The following NEK1 variants were observed in gnomAD, a reference collection of about 807,000 sequenced individuals.
The protein encoded by NEK1 is serine/threonine-protein kinase Nek1.
A neutral mutation model predicts 182.1 loss-of-function variants in NEK1; 137 were observed. The observed-to-expected ratio is 0.75, with a 90% CI of 0.65 to 0.87. NEK1 has a LOEUF of 0.87. NEK1 is among the 40% of genes least tolerant of loss of function. The pLI is 0.00. For missense variants in NEK1, 1,391 were observed against 1,494.4 expected, an observed-to-expected ratio of 0.93 and a Z score of 1.14; for synonymous variants, 513 against 492.2, an observed-to-expected ratio of 1.04 and a Z score of -0.56.
At chr4:169,518,606 A>G (rs1755530686) in intron 19 of NEK1, among the ~76,000 whole-genome samples, 1 of 98,350 alleles carries the variant, frequency 1.0e-5, no homozygotes, top group African/African-American at 6.8e-5. Context: ...TTAGGGTGTC[A>G]ATTTTGGATC....
At chr4:169,509,574 A>T (rs978141598) in intron 19 of NEK1, among the ~76,000 whole-genome samples, 1 of 152,004 alleles carries the variant, frequency 6.6e-6, no homozygotes, top group Admixed American at 6.6e-5. Context: ...ACTACAATCT[A>T]GTTTCTGATC....
intron 27 of NEK1, among the ~76,000 whole-genome samples, chr4:169,462,560 C>A (rs1561230779): frequency 6.6e-6 from 1 of 151,880 alleles, no homozygotes; most frequent in Non-Finnish European, 1.5e-5. Flanking sequence ...ATTTTTCCAC[C>A]AGCTCTGGAT....
At chr4:169,473,039 G>A (rs879366586) in intron 26 of NEK1, among the ~76,000 whole-genome samples, 4 of 151,632 alleles carry the variant, frequency 2.6e-5, no homozygotes, top group East Asian at 1.9e-4. Context: ...GAGGAGGATT[G>A]TATGAGGCCA....
intron 19 of NEK1, among the ~76,000 whole-genome samples, chr4:169,511,465 G>C (rs1287678992): frequency 6.6e-6 from 1 of 152,048 alleles, no homozygotes; most frequent in East Asian, 1.9e-4. Flanking sequence ...TTTGAGAAAT[G>C]CAAGAATCTG....
intron 16 of NEK1, among the ~76,000 whole-genome samples, chr4:169,556,431 G>A (rs187719598): frequency 5.3e-5 from 8 of 152,092 alleles, no homozygotes; most frequent in Admixed American, 1.3e-4. Flanking sequence ...ATTCTGTTCC[G>A]TTGTTTATGT....
At chr4:169,574,068 G>A (rs968430158) in intron 12 of NEK1, among the ~76,000 whole-genome samples, 4 of 152,048 alleles carry the variant, frequency 2.6e-5, no homozygotes, top group African/African-American at 9.7e-5. Flanking sequence ...TTGAGGAGGT[G>A]GATTGCTTGA....
intron 19 of NEK1, among the ~76,000 whole-genome samples, chr4:169,529,124 C>T (rs1023284363): frequency 2.0e-5 from 3 of 152,054 alleles, no homozygotes; most frequent in African/African-American, 7.2e-5. Flanking sequence ...TACAGCAACG[C>T]TTAGAGGGAA....
chr4:169,483,592 C>A (rs114771634), intron 23 of NEK1, among the ~76,000 whole-genome samples: 4 of 152,048 alleles, frequency 2.6e-5, no homozygotes, highest in Non-Finnish European at 5.9e-5. Context: ...ATAGGCCGGG[C>A]GCAGTGGCTC....
chr4:169,489,299 G>A (rs1241674966), intron 23 of NEK1, among the ~76,000 whole-genome samples: 1 of 152,126 alleles, frequency 6.6e-6, no homozygotes, highest in East Asian at 1.9e-4. Flanking sequence ...AGGCAGCTAG[G>A]TAGCCAGGCA....
chr4:169,412,975 T>C (rs1446770253), intron 31 of NEK1, among the ~76,000 whole-genome samples: 2 of 151,828 alleles, frequency 1.3e-5, no homozygotes, highest in African/African-American at 2.4e-5. Context: ...GAATGTCTCT[T>C]TGATGGAGTT....
intron 23 of NEK1, among the ~76,000 whole-genome samples, chr4:169,497,321 G>T (rs1194377555): frequency 2.0e-5 from 3 of 152,036 alleles, no homozygotes; most frequent in Admixed American, 2.0e-4. Context: ...CTTGCTAGCG[G>T]TCTATCAATT....
At chr4:169,408,554 AT>A (rs1561134831) in intron 31 of NEK1, among the ~76,000 whole-genome samples, 2 of 152,066 alleles carry the variant, frequency 1.3e-5, no homozygotes, top group African/African-American at 4.8e-5. Flanking sequence ...GATTTCTGAT[AT>A]TGGTGCACGC....
chr4:169,494,388 G>C (rs1233980434), intron 23 of NEK1, among the ~76,000 whole-genome samples: 2 of 152,066 alleles, frequency 1.3e-5, no homozygotes, highest in African/African-American at 4.8e-5. Context: ...GAGAATGATG[G>C]TTTCCAGCTT....
At chr4:169,514,730 G>A (rs1002430863) in intron 19 of NEK1, among the ~76,000 whole-genome samples, 3 of 151,858 alleles carry the variant, frequency 2.0e-5, no homozygotes, top group East Asian at 1.9e-4. Context: ...GGTGATTTGC[G>A]TCTTTTTTAT....
intron 19 of NEK1, among the ~76,000 whole-genome samples, chr4:169,533,827 T>C (rs1028608682): frequency 2.0e-5 from 3 of 152,192 alleles, no homozygotes; most frequent in Admixed American, 2.0e-4. Context: ...GTAGAAGCAA[T>C]ATTTGAAGAA....
At chr4:169,424,917 A>G in intron 30 of NEK1, 117 bp from the exon 31 acceptor site, 2 of 1,027,930 alleles carry the variant, frequency 1.9e-6, no homozygotes, top group Non-Finnish European at 2.8e-6. Flanking sequence ...ATATCAGGAA[A>G]ATAAAATCAA....
intron 31 of NEK1, among the ~76,000 whole-genome samples, chr4:169,406,998 T>C (rs369305183): frequency 3.3e-5 from 5 of 152,240 alleles, no homozygotes; most frequent in East Asian, 3.9e-4. Flanking sequence ...CAGTCTTTTT[T>C]CACAGGAAAC....
At chr4:169,548,709 TTGA>T in intron 18 of NEK1, among the ~76,000 whole-genome samples, 1 of 152,352 alleles carries the variant, frequency 6.6e-6, no homozygotes, top group South Asian at 2.1e-4. Context: ...TACAGTGGCC[TTGA>T]TGAGCTGCGG....
Position 169,588,684 on chromosome 4 carries a change from A to G in NEK1, c.516T>C (p.Pro172=), listed in dbSNP as rs1335535742. 1 of 1,549,230 alleles carries G rather than the reference A, an allele frequency of 6.5e-7. No individual in the cohort carries two copies. The highest frequency in any genetic ancestry group is 2.4e-5 in the East Asian group (1 of 40,888). ...TGTAAGGTTTGTTTTCACAGATTTC[A>G]GGTGACAAGTAGTATGGGGTCCCTA... The part of the protein sequence containing the change: ...TCIGTPYYLS[P]EICENKPYNN... The change falls in exon 8 of 36, where the codon CCT becomes CCC. Residue 172 remains proline, a synonymous_variant. Transcript: ENST00000507142.
Sources: gnomAD v4.1 joint callset for allele counts (sites outside exome capture counted in the v4.1 genomes callset) on GRCh38, gnomAD v4.1.1 for gene constraint, MANE v1.5 for transcripts, NCBI Gene and HGNC (gene_info 2026-07-23, HGNC 2026-07-21) for gene names.